The following GALNT13 variants were observed in gnomAD, a reference collection of about 807,000 sequenced individuals.
GALNT13 encodes polypeptide N-acetylgalactosaminyltransferase 13, also known as UDP-GalNAc:polypeptide N-acetylgalactosaminyltransferase 13.
GALNT13 carries 28 observed loss-of-function variants against 64.2 expected under a neutral mutation model. That is an observed-to-expected ratio of 0.44 (90% confidence interval 0.32 to 0.60). The LOEUF (loss-of-function observed/expected upper bound fraction) is 0.60, where lower values mean the gene tolerates loss of function less well. Ranked by LOEUF, GALNT13 falls within the 20% of genes least tolerant of loss-of-function variation. The probability of loss-of-function intolerance (pLI) is 0.05; values close to 1 mark genes in which losing one functional copy is unlikely to be tolerated. For missense variants in GALNT13, 577 were observed against 669.8 expected, an observed-to-expected ratio of 0.86 and a Z score of 1.53; for synonymous variants, 214 against 224.6, an observed-to-expected ratio of 0.95 and a Z score of 0.42.
At chr2:154,351,540 G>A (rs1014702213) in intron 9 of GALNT13, among the ~76,000 whole-genome samples, 5 of 151,704 alleles carry the variant, frequency 3.3e-5, no homozygotes, top group African/African-American at 7.3e-5. Flanking sequence ...AAAATTAGCC[G>A]GGCATGGTGG....
the GALNT13 span, among the ~76,000 whole-genome samples, chr2:153,435,817 A>G: frequency 2.0e-5 from 3 of 151,802 alleles, no homozygotes; most frequent in Admixed American, 2.0e-4. Flanking sequence ...AATACCCTTT[A>G]TTTCCTTCTC....
chr2:153,782,531 C>G, the GALNT13 span, among the ~76,000 whole-genome samples: 1 of 152,116 alleles, frequency 6.6e-6, no homozygotes, highest in South Asian at 2.1e-4. Context: ...CTTATGTGGT[C>G]TGTTGTTGAC....
the GALNT13 span, among the ~76,000 whole-genome samples, chr2:153,359,605 T>C: frequency 6.9e-4 from 68 of 98,956 alleles, no homozygotes; most frequent in East Asian, 0.019. Flanking sequence ...CTGGACACAA[T>C]GGGACACCAA....
At chr2:153,470,638 CTTACAAG>C in the GALNT13 span, among the ~76,000 whole-genome samples, 1 of 152,100 alleles carries the variant, frequency 6.6e-6, no homozygotes, top group African/African-American at 2.4e-5. Context: ...TATCCTGGAA[CTTACAAG>C]TTACATGAAT....
At chr2:153,614,194 A>C in the GALNT13 span, among the ~76,000 whole-genome samples, 30,881 of 151,774 alleles carry the variant, frequency 0.2, 3,382 homozygotes, top group African/African-American at 0.27. Flanking sequence ...TTACCTACAC[A>C]AAATTAATAA....
chr2:153,094,149 A>G, the GALNT13 span, among the ~76,000 whole-genome samples: 1 of 151,656 alleles, frequency 6.6e-6, no homozygotes, highest in Admixed American at 6.6e-5. Context: ...TTACAATTTT[A>G]TTTGTGTTCT....
At chr2:153,489,980 TACACACACAC>T in the GALNT13 span, among the ~76,000 whole-genome samples, 1,677 of 147,970 alleles carry the variant, frequency 0.011, 25 homozygotes, top group African/African-American at 0.039. Flanking sequence ...GGCCCTGTTT[TACACACACAC>T]ACACACACAC....
At chr2:154,216,318 T>C (rs1688037875) in intron 4 of GALNT13, among the ~76,000 whole-genome samples, 1 of 152,130 alleles carries the variant, frequency 6.6e-6, no homozygotes, top group Non-Finnish European at 1.5e-5. Flanking sequence ...CTATTTATAG[T>C]GCTTAATGAA....
At chr2:153,300,395 T>C in the GALNT13 span, among the ~76,000 whole-genome samples, 2 of 152,132 alleles carry the variant, frequency 1.3e-5, no homozygotes, top group African/African-American at 4.8e-5. Context: ...ACAATACTTA[T>C]GTGAGGGCTG....
the GALNT13 span, among the ~76,000 whole-genome samples, chr2:153,170,692 C>T: frequency 6.6e-6 from 1 of 152,136 alleles, no homozygotes; most frequent in Non-Finnish European, 1.5e-5. Flanking sequence ...CATTAGCCAA[C>T]TGAAACAAAT....
chr2:153,713,607 T>C, the GALNT13 span, among the ~76,000 whole-genome samples: 1 of 152,134 alleles, frequency 6.6e-6, no homozygotes, highest in Non-Finnish European at 1.5e-5. Flanking sequence ...CTCAGCCTCC[T>C]GAGTAGCTGA....
intron 3 of GALNT13, among the ~76,000 whole-genome samples, chr2:154,131,893 T>C (rs183570074): frequency 6.6e-6 from 1 of 152,250 alleles, no homozygotes; most frequent in African/African-American, 2.4e-5. Flanking sequence ...GAGAGCCTCT[T>C]GCAAACCAGT....
intron 11 of GALNT13, among the ~76,000 whole-genome samples, chr2:154,433,859 T>C (rs1226568626): frequency 6.6e-6 from 1 of 152,202 alleles, no homozygotes; most frequent in Non-Finnish European, 1.5e-5. Context: ...TGGCCTGAAT[T>C]GTGCTCTTCT....
downstream of GALNT13, among the ~76,000 whole-genome samples, chr2:154,454,103 T>C (rs1164167893): frequency 6.6e-6 from 1 of 152,184 alleles, no homozygotes; most frequent in African/African-American, 2.4e-5. Context: ...TGTATTTTCA[T>C]GATTTCTTAA....
the GALNT13 span, among the ~76,000 whole-genome samples, chr2:153,540,760 A>G: frequency 6.6e-6 from 1 of 152,188 alleles, no homozygotes; most frequent in Admixed American, 6.5e-5. Context: ...CTGGGTTTCA[A>G]ACTTGCATGA....
intron 9 of GALNT13, among the ~76,000 whole-genome samples, chr2:154,323,100 G>A (rs1314101394): frequency 6.6e-6 from 1 of 151,752 alleles, no homozygotes; most frequent in Non-Finnish European, 1.5e-5. Flanking sequence ...AAATGACTCA[G>A]ATTCAAGGAG....
the GALNT13 span, among the ~76,000 whole-genome samples, chr2:153,696,604 T>A: frequency 1.6e-5 from 2 of 122,186 alleles, no homozygotes; most frequent in African/African-American, 2.5e-5. Flanking sequence ...GTACTACTAA[T>A]AAAATAGAGT....
At chr2:153,935,166 G>A (rs1690812422) in intron 2 of GALNT13, among the ~76,000 whole-genome samples, 1 of 152,132 alleles carries the variant, frequency 6.6e-6, no homozygotes, top group South Asian at 2.1e-4. Flanking sequence ...AAGTCTAAGA[G>A]GATATCAATA....
the GALNT13 span, among the ~76,000 whole-genome samples, chr2:153,290,541 C>G: frequency 5.9e-5 from 9 of 152,108 alleles, no homozygotes; most frequent in African/African-American, 2.2e-4. Context: ...CATTAAGCAC[C>G]TGCTGTGTTA....
Sources: gnomAD v4.1 joint callset for allele counts (sites outside exome capture counted in the v4.1 genomes callset) on GRCh38, gnomAD v4.1.1 for gene constraint, MANE v1.5 for transcripts, NCBI Gene and HGNC (gene_info 2026-07-23, HGNC 2026-07-21) for gene names.